The following SUPT3H variants were observed in gnomAD, a reference collection of about 807,000 sequenced individuals.
SUPT3H encodes the protein SPT3 homolog, SAGA and STAGA complex component.
SUPT3H carries 44 observed loss-of-function variants against 44.3 expected under a neutral mutation model. The observed-to-expected ratio is 0.99, with a 90% CI of 0.78 to 1.28. SUPT3H has a LOEUF of 1.28. Among genes scored for constraint, SUPT3H ranks in the 50% most tolerant of loss-of-function variants. The pLI, the probability that SUPT3H is intolerant of heterozygous loss-of-function variation, is 0.00. For missense variants in SUPT3H, 380 were observed against 387.1 expected (o/e 0.98, Z 0.15); for synonymous variants, 124 against 125.6 (o/e 0.99, Z 0.09).
At chr6:45,028,557 G>C (rs1302481075) in intron 3 of SUPT3H, among the ~76,000 whole-genome samples, 1 of 151,786 alleles carries the variant, frequency 6.6e-6, no homozygotes, top group Non-Finnish European at 1.5e-5. Context: ...GGAGTTTTCA[G>C]AGTTTGAAGC....
At chr6:45,134,820 T>C (rs1266157258) in intron 2 of SUPT3H, among the ~76,000 whole-genome samples, 1 of 152,240 alleles carries the variant, frequency 6.6e-6, no homozygotes, top group East Asian at 1.9e-4. Flanking sequence ...AAGCCTTCAC[T>C]AGGAATTACC....
intron 2 of SUPT3H, among the ~76,000 whole-genome samples, chr6:45,352,793 C>G (rs1581821158): frequency 6.6e-6 from 1 of 152,058 alleles, no homozygotes; most frequent in Non-Finnish European, 1.5e-5. Flanking sequence ...TACCTTTATT[C>G]TTTATTACTT....
chr6:45,360,256 G>T (rs1581893294), intron 2 of SUPT3H, among the ~76,000 whole-genome samples: 2 of 152,114 alleles, frequency 1.3e-5, no homozygotes, highest in East Asian at 3.8e-4. Context: ...GGGAATAATA[G>T]CATCTACCCT....
rs575116154 is a variant in SUPT3H at position 45,143,721 on chromosome 6, T to C, written c.102-37715A>G. Among the ~76,000 whole-genome samples the C allele has an allele frequency of 1.7e-4, 26 of 151,696 alleles. 1 individual carries two copies. Among genetic ancestry groups the C allele is most frequent in the Admixed American group, 1.1e-3 (16 of 15,222 alleles). The stretch of plus-strand genomic sequence containing the variant: ...AAGATCAGAGCAGAACTAAATGAAA[T>C]TGAAACAAAAAAATGCAAAATAAAG... On this transcript the variant is annotated intron_variant, in intron 2 of 10. Transcript: ENST00000371459.
At chr6:44,968,286 C>A (rs539652491) in intron 6 of SUPT3H, among the ~76,000 whole-genome samples, 6 of 152,212 alleles carry the variant, frequency 3.9e-5, no homozygotes, top group Non-Finnish European at 8.8e-5. Flanking sequence ...TTCAGCAATG[C>A]GGCAACATGT....
intron 4 of SUPT3H, among the ~76,000 whole-genome samples, chr6:45,016,122 C>A (rs187698944): frequency 1.3e-5 from 2 of 151,944 alleles, no homozygotes; most frequent in Non-Finnish European, 2.9e-5. Context: ...TGCTTTTATA[C>A]CATCAGCAGT....
chr6:45,189,002 A>G (rs1227069941), intron 2 of SUPT3H, among the ~76,000 whole-genome samples: 2 of 152,106 alleles, frequency 1.3e-5, no homozygotes, highest in African/African-American at 2.4e-5. Flanking sequence ...GATGAGGTCT[A>G]TGTTGCCCAA....
chr6:45,250,815 G>A (rs113290923), intron 2 of SUPT3H: 65 of 151,812 alleles, frequency 4.3e-4, no homozygotes, highest in African/African-American at 1.4e-3. Flanking sequence ...GGATCAGAAG[G>A]GCATAAGACT....
At chr6:45,149,565 T>G (rs1806588568) in intron 2 of SUPT3H, among the ~76,000 whole-genome samples, 1 of 152,126 alleles carries the variant, frequency 6.6e-6, no homozygotes, top group Non-Finnish European at 1.5e-5. Context: ...CATTTAAAAA[T>G]TATCTCTCCA....
intron 2 of SUPT3H, among the ~76,000 whole-genome samples, chr6:45,353,116 G>A (rs1288920099): frequency 6.6e-6 from 1 of 151,986 alleles, no homozygotes; most frequent in African/African-American, 2.4e-5. Flanking sequence ...CTCCAGTGTT[G>A]TTTCAAATAA....
intron 2 of SUPT3H, among the ~76,000 whole-genome samples, chr6:45,271,914 G>A (rs949628543): frequency 7.9e-5 from 12 of 152,180 alleles, no homozygotes; most frequent in Non-Finnish European, 1.3e-4. Flanking sequence ...GAGACATGGG[G>A]TCAAAGGAAA....
intron 2 of SUPT3H, among the ~76,000 whole-genome samples, chr6:45,215,756 C>A (rs1312862387): frequency 6.6e-6 from 1 of 152,070 alleles, no homozygotes; most frequent in Admixed American, 6.5e-5. Context: ...CAGGAAAGGG[C>A]ACAGAAAACA....
intron 10 of SUPT3H, among the ~76,000 whole-genome samples, chr6:44,869,924 A>G (rs1250063629): frequency 1.3e-5 from 2 of 152,216 alleles, no homozygotes. Context: ...ATGAGAAACA[A>G]TATCTCTTTT....
downstream of SUPT3H, among the ~76,000 whole-genome samples, chr6:44,825,931 C>T (rs1042907806): frequency 1.3e-5 from 2 of 152,198 alleles, no homozygotes; most frequent in East Asian, 3.9e-4. Flanking sequence ...AATATGTATG[C>T]GGCGTTCTTG....
At chr6:45,373,742 G>A (rs544362163) in intron 1 of SUPT3H, among the ~76,000 whole-genome samples, 117 of 151,966 alleles carry the variant, frequency 7.7e-4, no homozygotes, top group African/African-American at 2.5e-3. Context: ...TAGTAGAGAC[G>A]GGGTTTCGCC....
At chr6:45,303,365 T>C (rs1162702601) in intron 2 of SUPT3H, among the ~76,000 whole-genome samples, 2 of 152,102 alleles carry the variant, frequency 1.3e-5, no homozygotes, top group African/African-American at 2.4e-5. Flanking sequence ...CTTCGCAAGC[T>C]ATACATCCGA....
intron 2 of SUPT3H, among the ~76,000 whole-genome samples, chr6:45,193,306 T>TTTAA (rs1411116259): frequency 6.6e-6 from 1 of 152,058 alleles, no homozygotes; most frequent in African/African-American, 2.4e-5. Flanking sequence ...ATCAGAAAAG[T>TTTAA]TTAATGTCCT....
At chr6:45,121,907 A>G (rs1047727536) in intron 2 of SUPT3H, among the ~76,000 whole-genome samples, 11 of 151,712 alleles carry the variant, frequency 7.3e-5, no homozygotes, top group Non-Finnish European at 1.3e-4. Flanking sequence ...CAAACTCCTG[A>G]CCTCATGATC....
chr6:45,225,081 C>G (rs1423298510), intron 2 of SUPT3H, among the ~76,000 whole-genome samples: 1 of 151,852 alleles, frequency 6.6e-6, no homozygotes, highest in African/African-American at 2.4e-5. Context: ...GAGTTCAAGA[C>G]AAACCTGACC....
Sources: gnomAD v4.1 joint callset for allele counts (sites outside exome capture counted in the v4.1 genomes callset) on GRCh38, gnomAD v4.1.1 for gene constraint, MANE v1.5 for transcripts, NCBI Gene and HGNC (gene_info 2026-07-23, HGNC 2026-07-21) for gene names.